Variants in MTUS2 observed in about 807,000 individuals in gnomAD.
MTUS2 encodes microtubule associated scaffold protein 2.
MTUS2 carries 40 observed loss-of-function variants against 114.1 expected under a neutral mutation model. That is an observed-to-expected ratio of 0.35 (90% CI 0.27 to 0.46). The LOEUF is 0.46. Ranked by LOEUF, MTUS2 falls within the 20% of genes least tolerant of loss-of-function variation. The probability of loss-of-function intolerance (pLI) is 1.00; values close to 1 mark genes in which losing one functional copy is unlikely to be tolerated. For synonymous variants in MTUS2, 688 were observed against 672.0 expected (o/e 1.02, Z -0.37); for missense variants, 1,679 against 1,705.4 (o/e 0.98, Z 0.27).
intron 5 of MTUS2, chr13:29,250,347 G>A (rs1021818505): frequency 3.3e-5 from 5 of 151,972 alleles, no homozygotes; most frequent in Admixed American, 2.6e-4. Flanking sequence ...GTATCAGCAT[G>A]CCATCTTAAT....
intron 5 of MTUS2, among the ~76,000 whole-genome samples, chr13:29,196,932 A>C (rs555071345): frequency 4.9e-4 from 75 of 152,322 alleles, no homozygotes; most frequent in African/African-American, 1.8e-3. Context: ...TATCTGTTTC[A>C]GTTCCTGCTT....
chr13:29,206,723 G>C (rs1278365563), intron 5 of MTUS2, among the ~76,000 whole-genome samples: 1 of 151,926 alleles, frequency 6.6e-6, no homozygotes, highest in Admixed American at 6.6e-5. Context: ...ACTGTAGGTA[G>C]TAGGCTTTAT....
intron 2 of MTUS2, among the ~76,000 whole-genome samples, chr13:29,004,153 C>T (rs923311528): frequency 2.0e-5 from 3 of 152,152 alleles, no homozygotes; most frequent in Non-Finnish European, 2.9e-5. Flanking sequence ...GTGGCTTTGA[C>T]ATTTTCTGTC....
chr13:29,145,530 T>G (rs1198551300), intron 5 of MTUS2, among the ~76,000 whole-genome samples: 1 of 152,018 alleles, frequency 6.6e-6, no homozygotes, highest in Admixed American at 6.6e-5. Flanking sequence ...AAAAAAAAAT[T>G]CATAAATATG....
intron 2 of MTUS2, among the ~76,000 whole-genome samples, chr13:28,952,597 A>T (rs752859022): frequency 3.3e-5 from 5 of 152,112 alleles, no homozygotes; most frequent in African/African-American, 1.2e-4. Context: ...TACTTGGTGC[A>T]TATCTTTTTA....
At chr13:29,144,626 G>C (rs1196365130) in intron 5 of MTUS2, among the ~76,000 whole-genome samples, 2 of 152,078 alleles carry the variant, frequency 1.3e-5, no homozygotes, top group African/African-American at 4.8e-5. Context: ...CTGTCATCTG[G>C]AGGTCACCCT....
chr13:29,488,048 C>T (rs1335131504), intron 11 of MTUS2, 43 bp downstream of exon 11: 5 of 1,453,330 alleles, frequency 3.4e-6, no homozygotes, highest in East Asian at 2.3e-5. Flanking sequence ...GTGGGTGGTG[C>T]AATCCGAGCC....
At chr13:28,993,998 C>T (rs1466110898) in intron 2 of MTUS2, among the ~76,000 whole-genome samples, 3 of 152,002 alleles carry the variant, frequency 2.0e-5, no homozygotes, top group African/African-American at 7.3e-5. Flanking sequence ...GTGTGCTGCA[C>T]CCATTAACTC....
chr13:29,330,509 G>C (rs923338947), intron 7 of MTUS2, among the ~76,000 whole-genome samples: 3 of 152,028 alleles, frequency 2.0e-5, no homozygotes, highest in Non-Finnish European at 4.4e-5. Context: ...AAGTTTGCCT[G>C]TGTCTAGGTC....
At chr13:29,299,556 G>C (rs1269661114) in intron 6 of MTUS2, among the ~76,000 whole-genome samples, 6 of 152,124 alleles carry the variant, frequency 3.9e-5, no homozygotes, top group African/African-American at 1.4e-4. Flanking sequence ...CTGTGAAAGG[G>C]AAATGAGTGT....
intron 2 of MTUS2, among the ~76,000 whole-genome samples, chr13:28,959,540 AT>A (rs35081090): frequency 0.88 from 133,862 of 151,946 alleles, 59,142 homozygotes; most frequent in East Asian, 1. Context: ...TACACAAAGT[AT>A]TAGTGTCAGC....
chr13:29,074,455 C>T (rs767491453), intron 4 of MTUS2, among the ~76,000 whole-genome samples: 11 of 152,078 alleles, frequency 7.2e-5, no homozygotes, highest in African/African-American at 1.7e-4. Context: ...AGGAACTGTG[C>T]GTCATTTTTT....
chr13:29,483,390 C>T (rs1056773874), intron 10 of MTUS2, among the ~76,000 whole-genome samples: 9 of 152,234 alleles, frequency 5.9e-5, no homozygotes, highest in South Asian at 2.1e-4. Flanking sequence ...CTTGGCCCCC[C>T]GCCATCTCAC....
intron 6 of MTUS2, among the ~76,000 whole-genome samples, chr13:29,294,144 A>G (rs1898837518): frequency 6.6e-6 from 1 of 152,160 alleles, no homozygotes; most frequent in Non-Finnish European, 1.5e-5. Context: ...AAACAAAAAT[A>G]TCTCAAAGCC....
intron 2 of MTUS2, among the ~76,000 whole-genome samples, chr13:28,932,379 A>G (rs888256056): frequency 3.2e-4 from 48 of 152,202 alleles, no homozygotes; most frequent in African/African-American, 1.2e-3. Context: ...GGTTACATGC[A>G]AATACTACAC....
chr13:28,882,980 C>G (rs557688031), intron 2 of MTUS2, among the ~76,000 whole-genome samples: 5 of 152,156 alleles, frequency 3.3e-5, no homozygotes, highest in Admixed American at 3.3e-4. Context: ...TGAAAATGGG[C>G]AAAGACATGA....
chr13:29,296,172 T>C (rs1898933272), intron 6 of MTUS2, among the ~76,000 whole-genome samples: 1 of 151,680 alleles, frequency 6.6e-6, no homozygotes, highest in South Asian at 2.1e-4. Flanking sequence ...GATTGCTGGA[T>C]CATATGGTAG....
intron 5 of MTUS2, among the ~76,000 whole-genome samples, chr13:29,106,971 CTCACATTTTTCTATGAGGGCTTT>C (rs1240615637): frequency 3.3e-5 from 5 of 152,002 alleles, no homozygotes; most frequent in Non-Finnish European, 7.4e-5. Flanking sequence ...AAATGTGTTG[CTCACATTTTTCTATGAGGGCTTT>C]GTGCTTTCCT....
At chr13:29,131,359 A>G (rs780360710) in intron 5 of MTUS2, among the ~76,000 whole-genome samples, 7 of 152,248 alleles carry the variant, frequency 4.6e-5, no homozygotes, top group Non-Finnish European at 1.0e-4. Flanking sequence ...CTTGACCACT[A>G]TGACATACTG....
Sources: gnomAD v4.1 joint callset for allele counts (sites outside exome capture counted in the v4.1 genomes callset) on GRCh38, gnomAD v4.1.1 for gene constraint, MANE v1.5 for transcripts, NCBI Gene and HGNC (gene_info 2026-07-23, HGNC 2026-07-21) for gene names.